The following GPC6 variants were observed in gnomAD, a reference collection of about 807,000 sequenced individuals.
GPC6 encodes glypican-6.
A neutral mutation model predicts 55.2 loss-of-function variants in GPC6; 14 were observed. The ratio of observed to expected loss-of-function variants is 0.25; its 90% CI spans 0.17 to 0.40. The LOEUF is 0.40. GPC6 is among the 10% of genes least tolerant of loss of function. GPC6 has a pLI of 1.00. For synonymous variants in GPC6, 278 were observed against 259.6 expected, an observed-to-expected ratio of 1.07 and a Z score of -0.68; for missense variants, 641 against 708.5, an observed-to-expected ratio of 0.90 and a Z score of 1.08.
intron 4 of GPC6, among the ~76,000 whole-genome samples, chr13:94,131,856 AAAATAATTT>A (rs1258326209): frequency 9.2e-5 from 14 of 152,214 alleles, no homozygotes; most frequent in African/African-American, 3.4e-4. Context: ...AAGGGTTTTA[AAAATAATTT>A]ATGTGGTTAG....
chr13:94,143,462 T>C lies in GPC6; in HGVS notation c.877+115568T>C, dbSNP rs187300777. Among the ~76,000 whole-genome samples, 3 of 152,342 alleles carry C rather than the reference T, an allele frequency of 2.0e-5. No individual in the cohort carries two copies. In the East Asian group the frequency reaches 5.8e-4, roughly 29 times the overall value. ...TTTTTAATATGATAGTCAAAAATCA[T>C]ATTAAATTTTTTGTCACTCTTTAGA... On this transcript the variant is annotated intron_variant, in intron 4 of 8. Transcript: ENST00000377047.
intron 4 of GPC6, among the ~76,000 whole-genome samples, chr13:94,132,603 C>G (rs1336501899): frequency 6.6e-6 from 1 of 152,102 alleles, no homozygotes; most frequent in African/African-American, 2.4e-5. Context: ...CATTCCCTCC[C>G]CAGCCTCCTG....
intron 2 of GPC6, among the ~76,000 whole-genome samples, chr13:93,645,185 G>T (rs188468840): frequency 6.6e-6 from 1 of 151,384 alleles, no homozygotes; most frequent in Non-Finnish European, 1.5e-5. Context: ...CAGATTCTTT[G>T]AAAATATTCT....
Position 93,395,510 on chromosome 13 carries a change from C to A in GPC6, c.161-149753C>A, listed in dbSNP as rs1875813562. On this transcript the variant is annotated intron_variant, in intron 1 of 8. Coordinates refer to ENST00000377047, the MANE Select transcript of GPC6 (RefSeq NM_005708.5). Reference sequence around the variant, plus strand: ...CTATTCAAAATCATTTCTTAGGTGGCATTCTTCAGTGTTTTCTTTGATGCC... The same window carrying A: ...CTATTCAAAATCATTTCTTAGGTGGAATTCTTCAGTGTTTTCTTTGATGCC... The A allele has an allele frequency of 2.3e-5, 4 of 177,676 alleles. No homozygotes were observed. The South Asian group carries it at 5.4e-4, about 24-fold the overall frequency. The allele number at this position is 177,676 out of a possible 1,614,324, so 11.0% of individuals were successfully genotyped here.
intron 6 of GPC6, among the ~76,000 whole-genome samples, chr13:94,325,439 CTG>C (rs1877067180): frequency 6.6e-6 from 1 of 152,184 alleles, no homozygotes; most frequent in South Asian, 2.1e-4. Context: ...CATTAAATCA[CTG>C]TTATATTCTC....
intron 2 of GPC6, among the ~76,000 whole-genome samples, chr13:93,735,301 G>A (rs553461375): frequency 1.2e-4 from 19 of 152,244 alleles, no homozygotes; most frequent in South Asian, 6.2e-4. Context: ...TTGGGAGGCC[G>A]AGGTGGGTGG....
At chr13:94,138,183 C>T (rs562311825) in intron 4 of GPC6, among the ~76,000 whole-genome samples, 4 of 152,176 alleles carry the variant, frequency 2.6e-5, no homozygotes, top group East Asian at 1.9e-4. Flanking sequence ...TTTTGGATTT[C>T]GGGTTTTCGG....
chr13:93,708,888 C>A (rs1468764422), intron 2 of GPC6, among the ~76,000 whole-genome samples: 1 of 151,662 alleles, frequency 6.6e-6, no homozygotes, highest in Non-Finnish European at 1.5e-5. Context: ...AACATTTGTG[C>A]TTGCTAGGTT....
intron 4 of GPC6, among the ~76,000 whole-genome samples, chr13:94,212,028 A>G (rs907730051): frequency 2.0e-5 from 3 of 152,186 alleles, no homozygotes; most frequent in Admixed American, 6.5e-5. Context: ...AAAAAAATCA[A>G]TGAGGACTTT....
At chr13:93,284,132 G>A (rs1878036536) in intron 1 of GPC6, among the ~76,000 whole-genome samples, 1 of 152,126 alleles carries the variant, frequency 6.6e-6, no homozygotes, top group African/African-American at 2.4e-5. Flanking sequence ...ATAGTTTATT[G>A]CTTTTTTAAG....
Position 93,612,260 on chromosome 13 carries a change from G to A in GPC6, c.319+66839G>A, listed in dbSNP as rs1346314689. 2.0e-5 allele frequency among the ~76,000 whole-genome samples: 3 copies of A among 152,196 alleles called. No homozygotes were observed. The East Asian group carries it at 5.8e-4, about 29-fold the overall frequency. On this transcript the variant is annotated intron_variant, in intron 2 of 8. Coordinates refer to ENST00000377047, the MANE Select transcript of GPC6 (RefSeq NM_005708.5). ...CACGCCTGTAATCCCAGCACTTTGG[G>A]AAGCCGAGGCGTGCGGATCACGAGT...
intron 2 of GPC6, among the ~76,000 whole-genome samples, chr13:93,782,506 T>C (rs1351508444): frequency 6.6e-6 from 1 of 152,204 alleles, no homozygotes; most frequent in African/African-American, 2.4e-5. Flanking sequence ...GAAAAACCTC[T>C]ATTCTGTTTT....
intron 2 of GPC6, among the ~76,000 whole-genome samples, chr13:93,676,542 C>T (rs1881640971): frequency 6.6e-6 from 1 of 152,068 alleles, no homozygotes; most frequent in Non-Finnish European, 1.5e-5. Flanking sequence ...AGGGTAGGGA[C>T]TGTTGAGAAC....
chr13:94,091,987 T>C (rs1220660747), intron 4 of GPC6, among the ~76,000 whole-genome samples: 3 of 151,414 alleles, frequency 2.0e-5, no homozygotes, highest in African/African-American at 4.9e-5. Context: ...TATTGAGATA[T>C]AATTGAAAAA....
chr13:94,137,463 A>G (rs191853445), intron 4 of GPC6, among the ~76,000 whole-genome samples: 2 of 152,300 alleles, frequency 1.3e-5, no homozygotes, highest in African/African-American at 2.4e-5. Flanking sequence ...GAGACTCTCA[A>G]AGTGATAGGG....
chr13:94,289,601 T>C (rs780923999), intron 5 of GPC6, among the ~76,000 whole-genome samples: 1 of 152,216 alleles, frequency 6.6e-6, no homozygotes, highest in African/African-American at 2.4e-5. Flanking sequence ...TGTGGCACAG[T>C]GTGGAGGTTA....
chr13:93,887,288 GAATA>G (rs1461455045), intron 3 of GPC6, among the ~76,000 whole-genome samples: 1 of 152,010 alleles, frequency 6.6e-6, no homozygotes, highest in Non-Finnish European at 1.5e-5. Context: ...AATTTAGCTT[GAATA>G]AATATAGTCA....
intron 2 of GPC6, among the ~76,000 whole-genome samples, chr13:93,649,613 A>G (rs1251794368): frequency 6.6e-6 from 1 of 152,198 alleles, no homozygotes; most frequent in Non-Finnish European, 1.5e-5. Flanking sequence ...GTTTATGACA[A>G]TACTCAGACT....
intron 3 of GPC6, among the ~76,000 whole-genome samples, chr13:93,858,855 A>G (rs1317490034): frequency 6.6e-6 from 1 of 151,568 alleles, no homozygotes; most frequent in Non-Finnish European, 1.5e-5. Context: ...CTTTTGAGGA[A>G]TTTTGTTATA....
Sources: gnomAD v4.1 joint callset for allele counts (sites outside exome capture counted in the v4.1 genomes callset) on GRCh38, gnomAD v4.1.1 for gene constraint, MANE v1.5 for transcripts, NCBI Gene and HGNC (gene_info 2026-07-23, HGNC 2026-07-21) for gene names.